REEP1: variants seen among roughly 807,000 people sequenced by gnomAD.
REEP1 encodes the protein receptor accessory protein 1.
A neutral mutation model predicts 40.3 loss-of-function variants in REEP1; 22 were observed. That is an observed-to-expected ratio of 0.55 (90% CI 0.39 to 0.78). REEP1 has a LOEUF of 0.78. Among genes scored for constraint, REEP1 ranks in the 30% least tolerant of loss-of-function variants. The pLI is 0.00. For missense variants in REEP1, 280 were observed against 361.1 expected, an observed-to-expected ratio of 0.78 and a Z score of 1.82; for synonymous variants, 116 against 139.2, an observed-to-expected ratio of 0.83 and a Z score of 1.17.
At position 86,295,730 on chromosome 2, in the gene REEP1, G is replaced by A. The variant is rs200448943; in HGVS notation, c.33-13488C>T. 5.0e-4 allele frequency among the ~76,000 whole-genome samples: 74 copies of A among 149,158 alleles called. 2 individuals carry two copies. The East Asian group carries it at 0.013, about 27-fold the overall frequency. On this transcript the variant is annotated intron_variant, in intron 1 of 8. Coordinates refer to ENST00000538924, the MANE Select transcript of REEP1 (RefSeq NM_001371279.1). The stretch of plus-strand genomic sequence containing the variant: ...AATTTTTTGTGTTTTTAGTAGAGAC[G>A]GGGTTTCACCGTGTTAGCCAGGATG...
chr2:86,299,801 T>C lies in REEP1; in HGVS notation c.33-17559A>G, dbSNP rs574156530. Among the ~76,000 whole-genome samples the C allele has an allele frequency of 9.2e-5, 14 of 152,352 alleles. No individual in the cohort carries two copies. The South Asian group carries it at 2.7e-3, about 29-fold the overall frequency. ...CATAAGCACAACTCATCTATGTTGA[T>C]TGTAGAAAAATTTTAAAATATGTAA... On this transcript the variant is annotated intron_variant, in intron 1 of 8. Coordinates refer to ENST00000538924, the MANE Select transcript of REEP1 (RefSeq NM_001371279.1).
intron 1 of REEP1, among the ~76,000 whole-genome samples, chr2:86,294,079 A>G (rs991713857): frequency 3.3e-5 from 5 of 152,152 alleles, no homozygotes; most frequent in African/African-American, 1.2e-4. Context: ...AGATAACTCA[A>G]CTCCTTAACT....
At chr2:86,335,640 G>A (rs888387228) in intron 1 of REEP1, among the ~76,000 whole-genome samples, 1 of 152,126 alleles carries the variant, frequency 6.6e-6, no homozygotes, top group Non-Finnish European at 1.5e-5. Flanking sequence ...CACTAGGTCA[G>A]GAGTTCAAGA....
chr2:86,216,944 C>A lies in REEP1; in HGVS notation c.*95G>T. ...TGTTTGTGAGGCTGCACACTCAAAG[C>A]ACACCCAGCTTGCGGATTTCTATGT... On this transcript the variant is annotated 3_prime_UTR_variant, in exon 9 of 9. Coordinates refer to ENST00000538924, the MANE Select transcript of REEP1 (RefSeq NM_001371279.1). 1 of 1,011,380 alleles carries A rather than the reference C, an allele frequency of 9.9e-7. No homozygotes were observed. Among genetic ancestry groups the A allele is most frequent in the South Asian group, 1.4e-5 (1 of 73,942 alleles). 62.7% of individuals were successfully genotyped at this position (1,011,380 alleles called of 1,614,324 possible).
intron 1 of REEP1, among the ~76,000 whole-genome samples, chr2:86,316,236 A>C (rs1680000636): frequency 6.6e-6 from 1 of 152,036 alleles, no homozygotes; most frequent in Non-Finnish European, 1.5e-5. Context: ...ATACCTGCAA[A>C]CCTAAAAAAT....
In REEP1 at chr2:86,215,553, A is replaced by G. The variant is rs1189941827; in HGVS notation, c.*1486T>C. On this transcript the variant is annotated 3_prime_UTR_variant, in exon 9 of 9. Transcript: ENST00000538924. ...GAACAAATACAATCCAAATATTATG[A>G]GTAACTGGGTTGTGACCACTGCATG... 1 of 152,622 alleles carries G rather than the reference A, an allele frequency of 6.6e-6. No individual in the cohort carries two copies. The highest frequency in any genetic ancestry group is 1.5e-5 in the Non-Finnish European group (1 of 68,044). 9.5% of individuals were successfully genotyped at this position (152,622 alleles called of 1,614,324 possible).
In REEP1 at chr2:86,337,291, A is replaced by C; in HGVS notation, c.32+188T>G. ...CGCCGGCGCCGGCTGCCTCCTGGGC[A>C]GCAGCCGCGTCCTGCGCCGCCCGTC... On this transcript the variant is annotated intron_variant, in intron 1 of 8. Transcript: ENST00000538924. This position sits in a 1 kb window ranked among gnomAD's most constrained non-coding sequence, Gnocchi z 5.8. The C allele has an allele frequency of 3.3e-6, 1 of 305,440 alleles. No homozygotes were observed. The allele number at this position is 305,440 out of a possible 1,614,324, so 18.9% of individuals were successfully genotyped here.
intron 1 of REEP1, among the ~76,000 whole-genome samples, chr2:86,301,814 C>T (rs1017577661): frequency 2.6e-5 from 4 of 152,196 alleles, no homozygotes; most frequent in African/African-American, 4.8e-5. Context: ...TCAACAGATG[C>T]ACCTGTCCAA....
chr2:86,309,677 T>C (rs925341409), intron 1 of REEP1, among the ~76,000 whole-genome samples: 1 of 152,194 alleles, frequency 6.6e-6, no homozygotes, highest in African/African-American at 2.4e-5. Flanking sequence ...CTTTTGGCTG[T>C]GTCCTCACAT....
chr2:86,321,598 A>G (rs942891179), intron 1 of REEP1, among the ~76,000 whole-genome samples: 1 of 152,234 alleles, frequency 6.6e-6, no homozygotes, highest in Non-Finnish European at 1.5e-5. Flanking sequence ...TAGAAAAAAG[A>G]AAAAACAACT....
chr2:86,220,002 T>C lies in REEP1; in HGVS notation c.751A>G (p.Lys251Glu). The C allele has an allele frequency of 8.1e-7, 1 of 1,232,182 alleles. No homozygotes were observed. Among genetic ancestry groups the C allele is most frequent in the Non-Finnish European group, 1.0e-6 (1 of 988,022 alleles). The allele number at this position is 1,232,182 out of a possible 1,614,324, so 76.3% of individuals were successfully genotyped here. ...GGCAATTCCATCCTTCGAGGTGCTTTATACTTGTACATGAAATCCAGCAGG... is the reference window on the plus strand; with the variant it reads ...GGCAATTCCATCCTTCGAGGTGCTTCATACTTGTACATGAAATCCAGCAGG... ...EDLLDFMYKY[K>E]APRRMELPLE... Residue 251 changes from lysine (K) to glutamate (E), a missense_variant, in exon 8 of 9, where the codon AAA (lysine) becomes GAA (glutamate). By Grantham distance (56) the Lys-to-Glu change is moderately conservative. Coordinates refer to ENST00000538924, the MANE Select transcript of REEP1 (RefSeq NM_001371279.1).
intron 5 of REEP1, among the ~76,000 whole-genome samples, chr2:86,234,849 A>G (rs1337095799): frequency 6.6e-6 from 1 of 152,200 alleles, no homozygotes; most frequent in Non-Finnish European, 1.5e-5. Flanking sequence ...CCAGACACCC[A>G]TTATATAACC....
rs1674059591 is a variant in REEP1, at chr2:86,215,523, T to TCTA, written c.*1513_*1515dup. On this transcript the variant is annotated 3_prime_UTR_variant, in exon 9 of 9. Coordinates refer to ENST00000538924, the MANE Select transcript of REEP1 (RefSeq NM_001371279.1). ...CTAATTCTCTAGTCTTCTGGGCATA[T>TCTA]CTACGAACAAATACAATCCAAATAT... The TCTA allele has an allele frequency of 6.5e-6, 1 of 152,742 alleles. No homozygotes were observed. The highest frequency in any genetic ancestry group is 6.5e-5 in the Admixed American group (1 of 15,304). 9.5% of individuals were successfully genotyped at this position (152,742 alleles called of 1,614,324 possible).
At chr2:86,255,899 T>C (rs1558892650) in intron 3 of REEP1, among the ~76,000 whole-genome samples, 1 of 152,156 alleles carries the variant, frequency 6.6e-6, no homozygotes, top group African/African-American at 2.4e-5. Context: ...TCTTGTGCTG[T>C]GAACAACCCG....
intron 6 of REEP1, among the ~76,000 whole-genome samples, chr2:86,232,357 C>G (rs981735448): frequency 6.6e-6 from 1 of 152,224 alleles, no homozygotes; most frequent in African/African-American, 2.4e-5. Context: ...CCAACTACCC[C>G]CAATTCCCCA....
intron 5 of REEP1, among the ~76,000 whole-genome samples, chr2:86,239,727 C>T (rs900919906): frequency 1.3e-5 from 2 of 152,226 alleles, no homozygotes; most frequent in Non-Finnish European, 2.9e-5. Context: ...TAGCATCCAT[C>T]ATCAAATTCA....
At chr2:86,242,765 G>A (rs982807663) in intron 5 of REEP1, among the ~76,000 whole-genome samples, 4 of 152,150 alleles carry the variant, frequency 2.6e-5, no homozygotes, top group Non-Finnish European at 5.9e-5. Flanking sequence ...AAACAGGAAG[G>A]GAGAGAGCAG....
intron 5 of REEP1, among the ~76,000 whole-genome samples, chr2:86,247,557 T>TTTG (rs369383483): frequency 7.0e-4 from 42 of 59,730 alleles, no homozygotes; most frequent in African/African-American, 1.1e-3. Context: ...AGAACTTCCT[T>TTTG]TTGTTGTTGT....
At chr2:86,268,219 T>C (rs1677246496) in intron 2 of REEP1, among the ~76,000 whole-genome samples, 1 of 152,152 alleles carries the variant, frequency 6.6e-6, no homozygotes, top group Non-Finnish European at 1.5e-5. Context: ...TCCTCATAGA[T>C]GGTGTAACTG....
Sources: allele counts gnomAD v4.1 joint callset (sites outside exome capture counted in the v4.1 genomes callset), GRCh38; gene constraint gnomAD v4.1.1; non-coding constraint Gnocchi (gnomAD v3.1); transcripts MANE v1.5; gene names NCBI Gene and HGNC (gene_info 2026-07-23, HGNC 2026-07-21).